SPMIP2: variants seen among roughly 807,000 people sequenced by gnomAD.
SPMIP2 encodes the protein protein SPMIP2.
the SPMIP2 span, among the ~76,000 whole-genome samples, chr4:159,023,641 G>A: frequency 6.6e-6 from 1 of 152,174 alleles, no homozygotes; most frequent in Non-Finnish European, 1.5e-5. Context: ...CAGAATGGCT[G>A]TATCACAGAC....
the SPMIP2 span, among the ~76,000 whole-genome samples, chr4:158,998,165 T>A: frequency 6.6e-6 from 1 of 152,188 alleles, no homozygotes; most frequent in Non-Finnish European, 1.5e-5. Context: ...GAATTTTATA[T>A]AGTTTTTATG....
the SPMIP2 span, chr4:158,895,792 A>G: frequency 3.7e-6 from 6 of 1,613,112 alleles, no homozygotes; most frequent in Non-Finnish European, 4.2e-6. Context: ...GATGTACCTT[A>G]AAAGTAAAAT....
At chr4:158,958,000 T>C in the SPMIP2 span, among the ~76,000 whole-genome samples, 1,654 of 152,324 alleles carry the variant, frequency 0.011, 20 homozygotes, top group African/African-American at 0.038. Flanking sequence ...TGTTGTTATT[T>C]ATTTTTTATT....
the SPMIP2 span, among the ~76,000 whole-genome samples, chr4:159,082,465 G>GTGTGTA: frequency 0.047 from 7,034 of 149,252 alleles, 220 homozygotes; most frequent in African/African-American, 0.071. Context: ...GTGTGTGTGT[G>GTGTGTA]TGTGTGTGTG....
the SPMIP2 span, among the ~76,000 whole-genome samples, chr4:158,911,384 A>G: frequency 6.6e-4 from 52 of 79,278 alleles, no homozygotes; most frequent in East Asian, 0.011. Context: ...ATAAATAAAT[A>G]AAATAAATAA....
At chr4:158,983,464 C>T in the SPMIP2 span, among the ~76,000 whole-genome samples, 4 of 151,844 alleles carry the variant, frequency 2.6e-5, no homozygotes, top group South Asian at 2.1e-4. Flanking sequence ...GCGGATCTCT[C>T]GGCAGAAACT....
At chr4:158,992,792 T>C in the SPMIP2 span, among the ~76,000 whole-genome samples, 3 of 151,908 alleles carry the variant, frequency 2.0e-5, no homozygotes. Context: ...AAGCTGGAGG[T>C]GCTGTGAAGC....
chr4:158,957,966 T>C, the SPMIP2 span, among the ~76,000 whole-genome samples: 1 of 152,176 alleles, frequency 6.6e-6, no homozygotes, highest in Non-Finnish European at 1.5e-5. Context: ...TTTAAAACAT[T>C]TGCTTTTGAG....
chr4:159,079,510 T>C, the SPMIP2 span, among the ~76,000 whole-genome samples: 1 of 152,200 alleles, frequency 6.6e-6, no homozygotes, highest in Non-Finnish European at 1.5e-5. Context: ...GGTATTTTGT[T>C]ATAGCAGCCT....
chr4:159,064,235 T>G, the SPMIP2 span: 1 of 152,032 alleles, frequency 6.6e-6, no homozygotes, highest in African/African-American at 2.4e-5. Flanking sequence ...CAAAATAAAA[T>G]AAATGTCTCC....
the SPMIP2 span, among the ~76,000 whole-genome samples, chr4:158,959,030 A>G: frequency 1.3e-5 from 2 of 152,200 alleles, no homozygotes; most frequent in African/African-American, 2.4e-5. Flanking sequence ...CCTAAATACA[A>G]GGTCTCTTTC....
the SPMIP2 span, among the ~76,000 whole-genome samples, chr4:158,967,197 C>CTA: frequency 6.6e-6 from 1 of 151,942 alleles, no homozygotes; most frequent in Non-Finnish European, 1.5e-5. Context: ...TTTGAGAATC[C>CTA]TATAAAGCTA....
At chr4:158,978,659 A>T in the SPMIP2 span, among the ~76,000 whole-genome samples, 1 of 152,092 alleles carries the variant, frequency 6.6e-6, no homozygotes, top group Non-Finnish European at 1.5e-5. Context: ...TGATCCCTTT[A>T]CCACTTTGTA....
chr4:158,952,426 TTCC>T, the SPMIP2 span, among the ~76,000 whole-genome samples: 1 of 152,202 alleles, frequency 6.6e-6, no homozygotes, highest in African/African-American at 2.4e-5. Flanking sequence ...CTTCTGCATC[TTCC>T]TCATTTTCTC....
chr4:158,907,268 TATCA>T, the SPMIP2 span: 4 of 152,272 alleles, frequency 2.6e-5, no homozygotes, highest in Non-Finnish European at 2.9e-5. Flanking sequence ...TTTTATTTTT[TATCA>T]ATCAGTGTTA....
the SPMIP2 span, among the ~76,000 whole-genome samples, chr4:159,069,470 G>A: frequency 6.7e-6 from 1 of 149,580 alleles, no homozygotes; most frequent in African/African-American, 2.5e-5. Context: ...GCCTCACTCC[G>A]ACACCCAGGC....
At chr4:158,979,132 G>A in the SPMIP2 span, among the ~76,000 whole-genome samples, 11 of 151,136 alleles carry the variant, frequency 7.3e-5, no homozygotes, top group South Asian at 2.1e-4. Flanking sequence ...GGTGGGCTCC[G>A]GAGACTTTGT....
At chr4:158,951,835 G>A in the SPMIP2 span, among the ~76,000 whole-genome samples, 1 of 152,200 alleles carries the variant, frequency 6.6e-6, no homozygotes, top group Non-Finnish European at 1.5e-5. Flanking sequence ...TGAAAGTTCA[G>A]ATTGCTCAGT....
the SPMIP2 span, among the ~76,000 whole-genome samples, chr4:158,933,065 G>A: frequency 7.2e-5 from 11 of 152,094 alleles, no homozygotes; most frequent in South Asian, 2.1e-4. Flanking sequence ...GTGCAATGGC[G>A]CAATCTCGGC....
Sources: gnomAD v4.1 joint callset for allele counts (sites outside exome capture counted in the v4.1 genomes callset) on GRCh38, gnomAD v4.1.1 for gene constraint, MANE v1.5 for transcripts, NCBI Gene and HGNC (gene_info 2026-07-23, HGNC 2026-07-21) for gene names.